ASGR2: variants seen among roughly 807,000 people sequenced by gnomAD.
ASGR2 encodes the protein asialoglycoprotein receptor 2.
In ASGR2, 34 loss-of-function variants were observed where a neutral mutation model predicts 32.3. That is an observed-to-expected ratio of 1.05 (90% CI 0.80 to 1.40). ASGR2 has a LOEUF of 1.40. Among genes scored for constraint, ASGR2 ranks in the 40% most tolerant of loss-of-function variants. ASGR2 has a pLI of 0.00. For missense variants in ASGR2, 385 were observed against 386.4 expected (o/e 1.00, Z 0.03); for synonymous variants, 143 against 150.0 (o/e 0.95, Z 0.34).
rs1912826064 is a variant in ASGR2 at position 7,101,648 on chromosome 17, T to C, written c.848A>G (p.Asn283Ser). The change falls in exon 9 of 9, where the codon AAC becomes AGC. Residue 283 changes from asparagine (N) to serine (S), a missense_variant. By Grantham distance (46) the Asn-to-Ser change is conservative (BLOSUM62 1). Transcript: ENST00000691900. ...GTACACCTGCAGGCAGAAGTCATCG[T>C]TCCAGCGGCCATCCGGCTGGACTTC... ...CVEVQPDGRW[N>S]DDFCLQVYRW... 1 of 1,614,238 alleles carries C rather than the reference T, an allele frequency of 6.2e-7. No individual in the cohort carries two copies. The highest frequency in any genetic ancestry group is 1.1e-5 in the South Asian group (1 of 91,084).
intron 7 of ASGR2, among the ~76,000 whole-genome samples, chr17:7,104,835 G>T (rs1377630113): frequency 6.6e-6 from 1 of 151,644 alleles, no homozygotes; most frequent in African/African-American, 2.4e-5. Context: ...AGTTAGCCAG[G>T]CACGATGGCG....
rs904694655 is a variant in ASGR2 at position 7,114,438 on chromosome 17, C to T, written c.-70-128G>A. Reference sequence around the variant, plus strand: ...GCGTTTGGGATGAGGTTTGAAATCCCGCTGGGTCCTTTCCCTTCTCAGGAG... The same window carrying T: ...GCGTTTGGGATGAGGTTTGAAATCCTGCTGGGTCCTTTCCCTTCTCAGGAG... On this transcript the variant is annotated intron_variant, in intron 1 of 8. Coordinates refer to ENST00000691900, the MANE Select transcript of ASGR2 (RefSeq NM_001201352.2). The surrounding 1 kb of genome is among the most constrained non-coding windows in gnomAD (Gnocchi z 4.5). The T allele has an allele frequency of 7.1e-6, 10 of 1,417,398 alleles. No homozygotes were observed. Among genetic ancestry groups the T allele is most frequent in the Non-Finnish European group, 7.3e-6 (8 of 1,088,820 alleles). 87.8% of individuals were successfully genotyped at this position (1,417,398 alleles called of 1,614,324 possible). A position where few individuals can be genotyped will look rare whatever the true frequency, so the allele number is the denominator to read the frequency against.
chr17:7,107,835 C>T lies in ASGR2; in HGVS notation c.409+1G>A. 1.2e-6 allele frequency: 2 copies of T among 1,611,958 alleles called. No individual in the cohort carries two copies. The highest frequency in any genetic ancestry group is 1.1e-5 in the South Asian group (1 of 91,008). Reference sequence around the variant, plus strand: ...CGCACACACCCCGGAGGCTCTCTGACCTGCTTTCAGGTCCTGCTGCTGTTT... The same window carrying T: ...CGCACACACCCCGGAGGCTCTCTGATCTGCTTTCAGGTCCTGCTGCTGTTT... On this transcript the variant is annotated splice_donor_variant, in intron 5 of 8. Coordinates refer to ENST00000691900, the MANE Select transcript of ASGR2 (RefSeq NM_001201352.2). LOFTEE classifies it high-confidence loss of function. This position sits in a 1 kb window ranked among gnomAD's most constrained non-coding sequence, Gnocchi z 5.0.
chr17:7,106,757 AGCCGG>A (rs1395606657), intron 7 of ASGR2, among the ~76,000 whole-genome samples: 1 of 151,988 alleles, frequency 6.6e-6, no homozygotes, highest in Non-Finnish European at 1.5e-5. Flanking sequence ...CAAAAAAATT[AGCCGG>A]GCATGGTGGC....
At position 7,108,761 on chromosome 17, in the gene ASGR2, G is replaced by C; in HGVS notation, c.241+11C>G. 1 of 1,613,968 alleles carries C rather than the reference G, an allele frequency of 6.2e-7. No homozygotes were observed. Among genetic ancestry groups the C allele is most frequent in the Non-Finnish European group, 8.5e-7 (1 of 1,179,964 alleles). On this transcript the variant is annotated intron_variant, in intron 3 of 8. Transcript: ENST00000691900. This position sits in a 1 kb window ranked among gnomAD's most constrained non-coding sequence, Gnocchi z 4.9. ...CCCTTGCCCATCCCTGCTGGCCCCC[G>C]TGACCCTCACTTTGGGACCCAGTCA...
intron 2 of ASGR2, among the ~76,000 whole-genome samples, chr17:7,110,952 C>T (rs1158006757): frequency 1.3e-5 from 2 of 152,208 alleles, no homozygotes; most frequent in African/African-American, 2.4e-5. Context: ...CCAAGAGACT[C>T]CCCACGTTGA....
At chr17:7,106,915 A>C (rs1913784098) in intron 7 of ASGR2, 85 bp downstream of exon 7, 3 of 1,531,056 alleles carry the variant, frequency 2.0e-6, no homozygotes, top group South Asian at 2.6e-5. Flanking sequence ...AAAAAAAAAA[A>C]AAAATGGATA....
rs1914938959 is a variant in ASGR2 at position 7,113,201 on chromosome 17, G to C, written c.124+916C>G. Among the ~76,000 whole-genome samples the C allele has an allele frequency of 6.6e-6, 1 of 151,986 alleles. No individual in the cohort carries two copies. The highest frequency in any genetic ancestry group is 1.5e-5 in the Non-Finnish European group (1 of 68,012). On this transcript the variant is annotated intron_variant, in intron 2 of 8. Transcript: ENST00000691900. This position sits in a 1 kb window ranked among gnomAD's most constrained non-coding sequence, Gnocchi z 5.1. ...ATTTATTACAGAAGGATCCAGGGAA[G>C]GGTCTTGGGAGATGAGAGGAGCAGG...
At chr17:7,110,434 G>A (rs67450852) in intron 2 of ASGR2, among the ~76,000 whole-genome samples, 35,955 of 152,072 alleles carry the variant, frequency 0.24, 4,612 homozygotes, top group Middle Eastern at 0.38. Context: ...CACTCAGAGG[G>A]TCCTGTCCTG....
At chr17:7,103,203 T>C (rs967292502) in intron 7 of ASGR2, among the ~76,000 whole-genome samples, 1 of 152,212 alleles carries the variant, frequency 6.6e-6, no homozygotes, top group Non-Finnish European at 1.5e-5. Context: ...AATTCTACTC[T>C]CACTCTCTAG....
chr17:7,111,453 G>C (rs575574998), intron 2 of ASGR2, among the ~76,000 whole-genome samples: 15 of 151,714 alleles, frequency 9.9e-5, no homozygotes, highest in African/African-American at 2.4e-4. Flanking sequence ...TCAGGAGATC[G>C]ACACCATCCT....
chr17:7,103,760 G>A (rs985946420), intron 7 of ASGR2, among the ~76,000 whole-genome samples: 2 of 152,170 alleles, frequency 1.3e-5, no homozygotes, highest in African/African-American at 4.8e-5. Context: ...CGGAATATGA[G>A]GGGATGTTGG....
intron 7 of ASGR2, among the ~76,000 whole-genome samples, chr17:7,102,580 G>A (rs1317783728): frequency 2.0e-5 from 3 of 152,042 alleles, no homozygotes; most frequent in Non-Finnish European, 2.9e-5. Context: ...CCAGCTTATG[G>A]CTCTACCCAA....
rs1312838069 is a variant in ASGR2 at position 7,113,991 on chromosome 17, C to G, written c.124+126G>C. 1 of 1,407,710 alleles carries G rather than the reference C, an allele frequency of 7.1e-7. No individual in the cohort carries two copies. Among genetic ancestry groups the G allele is most frequent in the African/African-American group, 1.4e-5 (1 of 70,574 alleles). 87.2% of individuals were successfully genotyped at this position (1,407,710 alleles called of 1,614,324 possible). ...TAGACAGGAAGGTGAGGTGAGGGAA[C>G]AAGCGGGGGTGTCGGGCCCTCCTCA... is the stretch of plus-strand genomic sequence containing the variant. On this transcript the variant is annotated intron_variant, in intron 2 of 8. Transcript: ENST00000691900. The surrounding 1 kb of genome is among the most constrained non-coding windows in gnomAD (Gnocchi z 5.1).
In ASGR2 at chr17:7,107,222, C is replaced by T. The variant is rs1430440127; in HGVS notation, c.496+9G>A. 6.2e-7 allele frequency: 1 copy of T among 1,614,078 alleles called. No homozygotes were observed. The highest frequency in any genetic ancestry group is 8.5e-7 in the Non-Finnish European group (1 of 1,180,034). ...GGCACACTGGGCCTGGAGACGGCCC[C>T]ACCCCTACCGTTGCTGTGGAGGAGC... On this transcript the variant is annotated intron_variant, in intron 6 of 8. Transcript: ENST00000691900. This position sits in a 1 kb window ranked among gnomAD's most constrained non-coding sequence, Gnocchi z 5.0.
At chr17:7,102,810 C>T (rs759143238) in intron 7 of ASGR2, among the ~76,000 whole-genome samples, 4 of 152,202 alleles carry the variant, frequency 2.6e-5, no homozygotes, top group African/African-American at 4.8e-5. Context: ...ACCCACTGCC[C>T]AGGGCCCCAT....
Position 7,114,076 on chromosome 17 carries a change from G to A in ASGR2, c.124+41C>T. ...CAAAGGGACAGAGCAATCATGAGCT[G>A]AGACAGAGGGGGAGCAAAGCCGCAG... On this transcript the variant is annotated intron_variant, in intron 2 of 8. Transcript: ENST00000691900. The surrounding 1 kb of genome is among the most constrained non-coding windows in gnomAD (Gnocchi z 4.5). 4.3e-6 allele frequency: 7 copies of A among 1,612,338 alleles called. No individual in the cohort carries two copies. The highest frequency in any genetic ancestry group is 5.9e-6 in the Non-Finnish European group (7 of 1,179,194).
intron 7 of ASGR2, among the ~76,000 whole-genome samples, chr17:7,103,334 G>A (rs527358216): frequency 6.6e-6 from 1 of 152,364 alleles, no homozygotes; most frequent in Non-Finnish European, 1.5e-5. Flanking sequence ...GCAGCCCTCA[G>A]AGGCAGGTGA....
chr17:7,105,272 G>GA (rs143960622), intron 7 of ASGR2, among the ~76,000 whole-genome samples: 12,916 of 151,918 alleles, frequency 0.085, 569 homozygotes, highest in African/African-American at 0.12. Flanking sequence ...ATGTAAAGCA[G>GA]AAAAAAGAAA....
Sources: gnomAD v4.1 joint callset for allele counts (sites outside exome capture counted in the v4.1 genomes callset) on GRCh38, gnomAD v4.1.1 for gene constraint, Gnocchi (gnomAD v3.1) non-coding constraint, MANE v1.5 for transcripts, NCBI Gene and HGNC (gene_info 2026-07-23, HGNC 2026-07-21) for gene names.